The following ZC3H12B variants were observed in gnomAD, a reference collection of about 807,000 sequenced individuals.
The protein encoded by ZC3H12B is probable ribonuclease ZC3H12B.
In ZC3H12B, 7 loss-of-function variants were observed where a neutral mutation model predicts 43.9. The ratio of observed to expected loss-of-function variants is 0.16; its 90% CI spans 0.09 to 0.30. ZC3H12B has a LOEUF of 0.30. Among genes scored for constraint, ZC3H12B ranks in the 10% least tolerant of loss-of-function variants. The probability of loss-of-function intolerance (pLI) is 1.00; values close to 1 mark genes in which losing one functional copy is unlikely to be tolerated. For synonymous variants in ZC3H12B, 222 were observed against 241.7 expected (o/e 0.92, Z 0.76); for missense variants, 475 against 670.2 (o/e 0.71, Z 3.22).
chrX:65,185,323 G>A, the ZC3H12B span: 1 of 112,057 alleles, frequency 8.9e-6, no homozygotes, highest in Non-Finnish European at 1.9e-5. Context: ...AAAGCAAAAA[G>A]AATGGAACTT....
intron 3 of ZC3H12B, among the ~76,000 whole-genome samples, chrX:65,472,825 G>GAT (rs58372328): frequency 0.19 from 5,912 of 31,382 alleles, 574 homozygotes; most frequent in Admixed American, 0.3. Flanking sequence ...CCATACCTTT[G>GAT]ATATATATAT....
chrX:65,257,714 C>CA, the ZC3H12B span, among the ~76,000 whole-genome samples: 2 of 110,360 alleles, frequency 1.8e-5, no homozygotes, highest in African/African-American at 6.6e-5. Context: ...CACAGAACTA[C>CA]AAAAAACAAA....
the ZC3H12B span, among the ~76,000 whole-genome samples, chrX:65,080,612 T>G: frequency 8.9e-6 from 1 of 111,771 alleles, no homozygotes; most frequent in Non-Finnish European, 1.9e-5. Context: ...ACTTTCACCC[T>G]AGAATAGTAT....
chrX:65,334,488 T>C, the ZC3H12B span, among the ~76,000 whole-genome samples: 3 of 112,323 alleles, frequency 2.7e-5, no homozygotes, highest in Non-Finnish European at 5.6e-5. Flanking sequence ...AAAATTGTTT[T>C]TATTTTTCAA....
chrX:65,317,666 A>G, the ZC3H12B span, among the ~76,000 whole-genome samples: 28 of 107,970 alleles, frequency 2.6e-4, no homozygotes, highest in Admixed American at 2.8e-3. Flanking sequence ...CATTTAGAAT[A>G]ATAGTCTCCA....
chrX:65,091,900 G>T, the ZC3H12B span, among the ~76,000 whole-genome samples: 2 of 112,343 alleles, frequency 1.8e-5, no homozygotes, highest in East Asian at 5.6e-4. Context: ...GTTTGGATCT[G>T]TGTCCCCACC....
the ZC3H12B span, among the ~76,000 whole-genome samples, chrX:65,087,193 G>A: frequency 9.0e-6 from 1 of 110,919 alleles, no homozygotes; most frequent in Non-Finnish European, 1.9e-5. Context: ...TGGCATACCA[G>A]GATGCCCTCT....
intron 4 of ZC3H12B, 135 bp from the exon 10 acceptor site, chrX:65,501,654 T>C: frequency 1.7e-6 from 1 of 594,173 alleles, no homozygotes; most frequent in Non-Finnish European, 2.6e-6. Context: ...TCTCTCATCT[T>C]TGTGGACAGT....
chrX:65,197,369 A>G, the ZC3H12B span, among the ~76,000 whole-genome samples: 1 of 112,520 alleles, frequency 8.9e-6, no homozygotes, highest in Non-Finnish European at 1.9e-5. Flanking sequence ...TACAAGCGAC[A>G]TCCCAGATTA....
the ZC3H12B span, among the ~76,000 whole-genome samples, chrX:65,065,261 T>A: frequency 2.7e-5 from 3 of 111,830 alleles, no homozygotes; most frequent in African/African-American, 9.8e-5. Flanking sequence ...ATTTGGTATA[T>A]TTTTGCAGTG....
intron 2 of ZC3H12B, among the ~76,000 whole-genome samples, chrX:65,394,300 G>T (rs1285111828): frequency 3.6e-5 from 4 of 112,006 alleles, no homozygotes; most frequent in African/African-American, 9.7e-5. Flanking sequence ...GAATGGTATT[G>T]CCTAGGCTTT....
At chrX:65,319,179 C>T in the ZC3H12B span, among the ~76,000 whole-genome samples, 4 of 110,379 alleles carry the variant, frequency 3.6e-5, no homozygotes, top group Non-Finnish European at 1.9e-5. Context: ...AAACTGCTAG[C>T]TAGATTAATA....
intron 3 of ZC3H12B, among the ~76,000 whole-genome samples, chrX:65,448,936 G>GAAAACAAAGAAAGAAAGA: frequency 7.8e-4 from 2 of 2,574 alleles, no homozygotes; most frequent in Admixed American, 4.5e-3. Context: ...GAAAGAGAAG[G>GAAAACAAAGAAAGAAAGA]AAAAGAAAGA....
the ZC3H12B span, among the ~76,000 whole-genome samples, chrX:65,189,045 T>C: frequency 1.0e-5 from 1 of 98,528 alleles, no homozygotes; most frequent in Non-Finnish European, 2.0e-5. Flanking sequence ...GAATATGCGG[T>C]GTTTGGTTTT....
intron 2 of ZC3H12B, among the ~76,000 whole-genome samples, chrX:65,374,791 T>C (rs2066322255): frequency 9.0e-6 from 1 of 110,933 alleles, no homozygotes; most frequent in African/African-American, 3.3e-5. Context: ...ATCATGTCCT[T>C]CTTCACATGG....
intron 2 of ZC3H12B, among the ~76,000 whole-genome samples, chrX:65,388,510 C>A (rs1277696960): frequency 9.0e-6 from 1 of 111,683 alleles, no homozygotes; most frequent in African/African-American, 3.3e-5. Context: ...TTAAGGACTT[C>A]TCTGCATTGG....
At chrX:65,407,236 C>T (rs1439477058) in intron 3 of ZC3H12B, among the ~76,000 whole-genome samples, 2 of 112,185 alleles carry the variant, frequency 1.8e-5, no homozygotes, top group Non-Finnish European at 3.8e-5. Flanking sequence ...AGGGCGAGTG[C>T]GCGCGAGGCG....
the ZC3H12B span, among the ~76,000 whole-genome samples, chrX:65,104,575 C>A: frequency 9.0e-6 from 1 of 111,707 alleles, no homozygotes; most frequent in Non-Finnish European, 1.9e-5. Context: ...AAAAATCAAA[C>A]CCATCAAACA....
chrX:65,313,086 T>C, the ZC3H12B span, among the ~76,000 whole-genome samples: 1 of 111,148 alleles, frequency 9.0e-6, no homozygotes, highest in Non-Finnish European at 1.9e-5. Context: ...TTCACCATGC[T>C]AGCCAGGCTG....
Sources: gnomAD v4.1 joint callset for allele counts (sites outside exome capture counted in the v4.1 genomes callset) on GRCh38, gnomAD v4.1.1 for gene constraint, MANE v1.5 for transcripts, NCBI Gene and HGNC (gene_info 2026-07-23, HGNC 2026-07-21) for gene names.